Variants in CDR2L observed in about 807,000 individuals in gnomAD.
CDR2L encodes the protein cerebellar degeneration related protein 2 like, also known as cerebellar degeneration-related protein 2-like.
CDR2L carries 19 observed loss-of-function variants against 36.1 expected under a neutral mutation model. That is an observed-to-expected ratio of 0.53 (90% confidence interval 0.37 to 0.77). CDR2L has a LOEUF of 0.77. Ranked by LOEUF, CDR2L falls within the 30% of genes least tolerant of loss-of-function variation. The pLI is 0.00. For synonymous variants in CDR2L, 285 were observed against 280.4 expected (o/e 1.02, Z -0.16); for missense variants, 575 against 627.2 (o/e 0.92, Z 0.89).
At chr17:74,997,051 TCTTTCTTTCTTTCTTTCTTTCTTTCTTTC>T (rs1218410595) in intron 1 of CDR2L, among the ~76,000 whole-genome samples, 10 of 9,100 alleles carry the variant, frequency 1.1e-3, no homozygotes, top group Non-Finnish European at 6.1e-3. Context: ...TTTCTTTCTT[TCTTTCTTTCTTTCTTTCTTTCTTTCTTTC>T]TTTCTTTTTT....
At chr17:74,993,182 T>C (rs955353180) in intron 1 of CDR2L, among the ~76,000 whole-genome samples, 6 of 152,154 alleles carry the variant, frequency 3.9e-5, no homozygotes, top group Non-Finnish European at 4.4e-5. Flanking sequence ...AACAGGAAGA[T>C]AGCATGGCTG....
Position 75,002,277 on chromosome 17 carries a change from G to A in CDR2L, c.506+49G>A. 3 of 1,545,494 alleles carry A rather than the reference G, an allele frequency of 1.9e-6. No individual in the cohort carries two copies. Among genetic ancestry groups the A allele is most frequent in the Middle Eastern group, 1.7e-4 (1 of 5,876 alleles). ...TCTCTGGGATTGCCAGCCATGGGAG[G>A]AAGGAGAGGCAGCAGGCAGCAGGGT... On this transcript the variant is annotated intron_variant, in intron 4 of 4. Transcript: ENST00000337231. The surrounding 1 kb of genome is among the most constrained non-coding windows in gnomAD (Gnocchi z 4.1).
chr17:75,003,492 C>G lies in CDR2L; in HGVS notation c.816C>G (p.Ala272=), dbSNP rs1157593906. 1 of 1,555,176 alleles carries G rather than the reference C, an allele frequency of 6.4e-7. No individual in the cohort carries two copies. Among genetic ancestry groups the G allele is most frequent in the East Asian group, 2.4e-5 (1 of 41,404 alleles). The change falls in exon 5 of 5, where the codon GCC becomes GCG. Residue 272 remains alanine (A), a synonymous_variant. Transcript: ENST00000337231. ...TYLLGPDDHL[A]EALLAPLTQA... is the part of the protein sequence containing the mutation. ...TACTGGGTCCGGACGACCACCTGGC[C>G]GAGGCCCTGCTCGCACCCCTCACGC...
At position 75,004,940 on chromosome 17, in the gene CDR2L, C is replaced by G. The variant is rs2039894309; in HGVS notation, c.*866C>G. ...ACTAACCAAGCTTGGCCTCTGACTC[C>G]CGTCTCTGTGCTTGCCCCCATCTCA... On this transcript the variant is annotated 3_prime_UTR_variant, in exon 5 of 5. Coordinates refer to ENST00000337231, the MANE Select transcript of CDR2L (RefSeq NM_014603.3). The G allele has an allele frequency of 2.0e-5, 3 of 153,038 alleles. No individual in the cohort carries two copies. The Admixed American group carries it at 2.0e-4, about 10-fold the overall frequency. The allele number at this position is 153,038 out of a possible 1,614,324, so 9.5% of individuals were successfully genotyped here.
chr17:74,995,772 G>A (rs1439341944), intron 1 of CDR2L, among the ~76,000 whole-genome samples: 1 of 152,070 alleles, frequency 6.6e-6, no homozygotes, highest in African/African-American at 2.4e-5. Context: ...CAAAGTGCTG[G>A]GATTATAGGC....
chr17:74,989,410 A>ACACACACAC lies in CDR2L; in HGVS notation c.79+1288_79+1289insCACACACAC, dbSNP rs2039782466. ...CTGAAATGAGATACAGCTCCTCTCA[A>ACACACACAC]ACACACACACACACACACACACACA... On this transcript the variant is annotated intron_variant, in intron 1 of 4. Coordinates refer to ENST00000337231, the MANE Select transcript of CDR2L (RefSeq NM_014603.3). The surrounding 1 kb of genome is among the most constrained non-coding windows in gnomAD (Gnocchi z 4.2). 3.1e-5 allele frequency among the ~76,000 whole-genome samples: 4 copies of ACACACACAC among 130,684 alleles called. No individual in the cohort carries two copies. The highest frequency in any genetic ancestry group is 3.0e-5 in the African/African-American group (1 of 33,300). 85.7% of individuals were successfully genotyped at this position (130,684 alleles called of 152,430 possible).
rs1418366440 is a variant in CDR2L, at chr17:74,991,545, G to A, written c.79+3423G>A. The stretch of plus-strand genomic sequence containing the variant: ...ATCCTGGCTAACACAGTGAAACCCC[G>A]TCTCTACTAAAAATACAAAAAATTA... On this transcript the variant is annotated intron_variant, in intron 1 of 4. Coordinates refer to ENST00000337231, the MANE Select transcript of CDR2L (RefSeq NM_014603.3). Among the ~76,000 whole-genome samples, 12 of 151,050 alleles carry A rather than the reference G, an allele frequency of 7.9e-5. No individual in the cohort carries two copies. The South Asian group carries it at 1.5e-3, about 18-fold the overall frequency.
At position 75,003,829 on chromosome 17, in the gene CDR2L, G is replaced by T; in HGVS notation, c.1153G>T (p.Gly385Cys). 6.4e-7 allele frequency: 1 copy of T among 1,563,268 alleles called. No individual in the cohort carries two copies. The highest frequency in any genetic ancestry group is 8.7e-7 in the Non-Finnish European group (1 of 1,154,878). The part of the protein sequence containing the change: ...RQHGAGVRHA[G>C]VQTSRPISRD... ...GCACGGGGCCGGAGTGCGGCACGCCGGCGTGCAGACCTCGCGCCCCATCTC... is the reference window on the plus strand; with the variant it reads ...GCACGGGGCCGGAGTGCGGCACGCCTGCGTGCAGACCTCGCGCCCCATCTC... Residue 385 changes from glycine (G) to cysteine (C), a missense_variant, in exon 5 of 5, where the codon GGC (glycine) becomes TGC (cysteine). Transcript: ENST00000337231.
intron 1 of CDR2L, among the ~76,000 whole-genome samples, chr17:74,995,839 T>A (rs2144860205): frequency 6.6e-6 from 1 of 152,294 alleles, no homozygotes; most frequent in Non-Finnish European, 1.5e-5. Context: ...TACTGTTTGA[T>A]TTTTTTACAC....
chr17:74,994,193 G>C (rs1279079652), intron 1 of CDR2L, among the ~76,000 whole-genome samples: 1 of 152,200 alleles, frequency 6.6e-6, no homozygotes, highest in Non-Finnish European at 1.5e-5. Context: ...ACCGTATCTA[G>C]GAAACTTTCT....
chr17:75,002,228 G>A lies in CDR2L; in HGVS notation c.506G>A (p.Arg169Gln), dbSNP rs2039871729. The change falls in exon 4 of 5, where the codon CGG becomes CAG. Residue 169 changes from arginine (R) to glutamine (Q), a missense_variant and splice_region_variant. Coordinates refer to ENST00000337231, the MANE Select transcript of CDR2L (RefSeq NM_014603.3). The surrounding 1 kb of genome is among the most constrained non-coding windows in gnomAD (Gnocchi z 4.1). ...CTCAAGGAGCTGTGCACCAGCCCCC[G>A]GTAGGTGAGAGCACTGCTTGGTGTC... ...PCLKELCTSP[R>Q]CKDAFRLHSS... 5.0e-6 allele frequency: 8 copies of A among 1,605,990 alleles called. No individual in the cohort carries two copies. Among genetic ancestry groups the A allele is most frequent in the Middle Eastern group, 1.7e-4 (1 of 6,026 alleles).
intron 1 of CDR2L, among the ~76,000 whole-genome samples, chr17:74,995,015 G>A (rs1323674281): frequency 3.3e-5 from 5 of 150,092 alleles, no homozygotes; most frequent in Non-Finnish European, 5.9e-5. Context: ...GTTGCAGAGT[G>A]AGCCAAGATC....
intron 1 of CDR2L, among the ~76,000 whole-genome samples, chr17:74,997,474 C>T (rs962706705): frequency 2.0e-5 from 3 of 152,196 alleles, no homozygotes; most frequent in Admixed American, 2.0e-4. Context: ...CCCACGGCAC[C>T]TTGCCCCTAT....
intron 2 of CDR2L, among the ~76,000 whole-genome samples, chr17:75,000,769 C>T (rs1567975307): frequency 1.3e-5 from 2 of 151,260 alleles, no homozygotes; most frequent in Admixed American, 1.3e-4. Context: ...AAAAAATTAG[C>T]CAGGCATGGT....
chr17:74,987,696 A>C lies in CDR2L; in HGVS notation c.-348A>C. ...GGAGCAGCGCGGACCCGAGCCGGGC[A>C]GGGGGCGCCCGCCACGGCACCCGCG... On this transcript the variant is annotated 5_prime_UTR_variant, in exon 1 of 5. Transcript: ENST00000337231. 6.3e-6 allele frequency: 1 copy of C among 158,828 alleles called. No homozygotes were observed. Among genetic ancestry groups the C allele is most frequent in the Non-Finnish European group, 1.4e-5 (1 of 72,534 alleles). The allele number at this position is 158,828 out of a possible 1,614,324, so 9.8% of individuals were successfully genotyped here.
Position 74,989,890 on chromosome 17 carries a change from T to C in CDR2L, c.79+1768T>C, listed in dbSNP as rs1262340656. Among the ~76,000 whole-genome samples the C allele has an allele frequency of 6.6e-6, 1 of 152,118 alleles. No individual in the cohort carries two copies. Among genetic ancestry groups the C allele is most frequent in the Non-Finnish European group, 1.5e-5 (1 of 68,020 alleles). ...CTGACCTCAGATGATCCACCCGCCT[T>C]GGCCTCCCGAAGTGCTGGGATTACA... On this transcript the variant is annotated intron_variant, in intron 1 of 4. Transcript: ENST00000337231. This position sits in a 1 kb window ranked among gnomAD's most constrained non-coding sequence, Gnocchi z 4.2.
rs61110164 is a variant in CDR2L at position 74,989,410 on chromosome 17, A to AACACACACACACACACACACACACAC, written c.79+1300_79+1325dup. Among the ~76,000 whole-genome samples, 27 of 130,760 alleles carry AACACACACACACACACACACACACAC rather than the reference A, an allele frequency of 2.1e-4. 1 individual carries two copies. Among genetic ancestry groups the AACACACACACACACACACACACACAC allele is most frequent in the African/African-American group, 6.9e-4 (23 of 33,390 alleles). The allele number at this position is 130,760 out of a possible 152,430, so 85.8% of individuals were successfully genotyped here. On this transcript the variant is annotated intron_variant, in intron 1 of 4. Coordinates refer to ENST00000337231, the MANE Select transcript of CDR2L (RefSeq NM_014603.3). The surrounding 1 kb of genome is among the most constrained non-coding windows in gnomAD (Gnocchi z 4.2). ...CTGAAATGAGATACAGCTCCTCTCA[A>AACACACACACACACACACACACACAC]ACACACACACACACACACACACACA...
rs187215004 is a variant in CDR2L at position 75,003,577 on chromosome 17, G to T, written c.901G>T (p.Gly301Trp). The change falls in exon 5 of 5, where the codon GGG becomes TGG. Residue 301 changes from glycine (G) to tryptophan (W), a missense_variant. Transcript: ENST00000337231. ...GRGDDLGAQDGVSSPAASPGH... is the reference protein window; with the variant it reads ...GRGDDLGAQDWVSSPAASPGH... ...CGGGGACGACTTGGGCGCCCAGGAC[G>T]GGGTCTCCTCACCGGCAGCCTCTCC... The T allele has an allele frequency of 5.4e-4, 819 of 1,509,180 alleles. 4 individuals are homozygous for T. The Middle Eastern group carries it at 0.014, about 26-fold the overall frequency. The allele number at this position is 1,509,180 out of a possible 1,614,324, so 93.5% of individuals were successfully genotyped here. A position where few individuals can be genotyped will look rare whatever the true frequency, so the allele number is the denominator to read the frequency against.
rs71380851 is a variant in CDR2L, at chr17:75,005,326, G to A, written c.*1252G>A. 0.02 allele frequency: 3,113 copies of A among 152,808 alleles called. 54 individuals are homozygous for A. Among genetic ancestry groups the A allele is most frequent in the Non-Finnish European group, 0.033 (2,244 of 68,066 alleles). The allele number at this position is 152,808 out of a possible 1,614,324, so 9.5% of individuals were successfully genotyped here. On this transcript the variant is annotated 3_prime_UTR_variant, in exon 5 of 5. Coordinates refer to ENST00000337231, the MANE Select transcript of CDR2L (RefSeq NM_014603.3). The surrounding 1 kb of genome is among the most constrained non-coding windows in gnomAD (Gnocchi z 4.2). ...AGCTTGCCCTGAGCAGCCCTTCAGG[G>A]CTTCTGGTTCCTTCTGCCGCCCTTC...
Sources: allele counts gnomAD v4.1 joint callset (sites outside exome capture counted in the v4.1 genomes callset), GRCh38; gene constraint gnomAD v4.1.1; non-coding constraint Gnocchi (gnomAD v3.1); transcripts MANE v1.5; gene names NCBI Gene and HGNC (gene_info 2026-07-23, HGNC 2026-07-21).